The following C12orf42 variants were observed in gnomAD, a reference collection of about 807,000 sequenced individuals.
The protein encoded by C12orf42 is uncharacterized protein C12orf42.
C12orf42 carries 25 observed loss-of-function variants against 21.6 expected under a neutral mutation model. The ratio of observed to expected loss-of-function variants is 1.16; its 90% CI spans 0.84 to 1.62. C12orf42 has a LOEUF of 1.62. Ranked by LOEUF, C12orf42 falls within the 40% of genes most tolerant of loss-of-function variation. The pLI, the probability that C12orf42 is intolerant of heterozygous loss-of-function variation, is 0.00. For missense variants in C12orf42, 483 were observed against 459.3 expected (o/e 1.05, Z -0.47); for synonymous variants, 174 against 175.0 (o/e 0.99, Z 0.05).
chr12:103,067,385 C>T, the C12orf42 span, among the ~76,000 whole-genome samples: 1 of 152,142 alleles, frequency 6.6e-6, no homozygotes, highest in African/African-American at 2.4e-5. Flanking sequence ...TCTTGCCATG[C>T]TCCCCATCAT....
chr12:103,373,148 C>T (rs946702988), intron 3 of C12orf42, among the ~76,000 whole-genome samples: 4 of 152,096 alleles, frequency 2.6e-5, no homozygotes, highest in African/African-American at 7.2e-5. Context: ...ACAACCCCCA[C>T]CTTTTTTCTT....
chr12:103,311,766 C>A (rs2038992893), intron 4 of C12orf42, among the ~76,000 whole-genome samples: 1 of 152,094 alleles, frequency 6.6e-6, no homozygotes, highest in Non-Finnish European at 1.5e-5. Context: ...TCAGACAATA[C>A]CTGACATGCT....
At chr12:103,382,826 CTA>C (rs1207211737) in intron 3 of C12orf42, among the ~76,000 whole-genome samples, 1 of 152,084 alleles carries the variant, frequency 6.6e-6, no homozygotes, top group Non-Finnish European at 1.5e-5. Context: ...CCTACCTTTC[CTA>C]TATGTTTATC....
chr12:103,432,407 T>C (rs565675328), intron 2 of C12orf42, among the ~76,000 whole-genome samples: 1 of 152,312 alleles, frequency 6.6e-6, no homozygotes, highest in South Asian at 2.1e-4. Context: ...CCCTCCTGGT[T>C]GGCAGTGGGA....
At chr12:103,398,678 G>C (rs2047731894) in intron 3 of C12orf42, among the ~76,000 whole-genome samples, 1 of 151,986 alleles carries the variant, frequency 6.6e-6, no homozygotes, top group African/African-American at 2.4e-5. Flanking sequence ...AGTGTGAATA[G>C]ATATATAATA....
intron 3 of C12orf42, among the ~76,000 whole-genome samples, chr12:103,398,484 T>A (rs2888730): frequency 0.87 from 131,673 of 152,122 alleles, 57,162 homozygotes; most frequent in African/African-American, 0.94. Context: ...TATTTTTGTT[T>A]TAAAGCTTGG....
intron 4 of C12orf42, 69 bp from the exon 5 acceptor site, chr12:103,306,414 A>G: frequency 1.4e-6 from 2 of 1,478,888 alleles, no homozygotes; most frequent in Non-Finnish European, 1.8e-6. Flanking sequence ...GGCAGGAAGG[A>G]TGGAGTCAGG....
chr12:103,155,377 A>G, the C12orf42 span: 1 of 152,194 alleles, frequency 6.6e-6, no homozygotes, highest in African/African-American at 2.4e-5. Flanking sequence ...AATATTTACA[A>G]ATTTGTCAAT....
At chr12:103,063,641 G>A in the C12orf42 span, among the ~76,000 whole-genome samples, 1 of 152,138 alleles carries the variant, frequency 6.6e-6, no homozygotes, top group Non-Finnish European at 1.5e-5. Flanking sequence ...GCAGTTGCCA[G>A]GCAAGATAAT....
chr12:103,511,435 C>T, the C12orf42 span, among the ~76,000 whole-genome samples: 1 of 151,450 alleles, frequency 6.6e-6, no homozygotes, highest in Admixed American at 6.6e-5. Context: ...ATAATGCATG[C>T]ATATGTATAC....
chr12:103,190,990 G>A, the C12orf42 span, among the ~76,000 whole-genome samples: 3 of 152,086 alleles, frequency 2.0e-5, no homozygotes, highest in Admixed American at 6.5e-5. Context: ...AAAGACAAAG[G>A]TAATTTTAAA....
the C12orf42 span, among the ~76,000 whole-genome samples, chr12:103,093,395 G>C: frequency 6.6e-6 from 1 of 152,184 alleles, no homozygotes; most frequent in African/African-American, 2.4e-5. Context: ...CCAGATGGCA[G>C]TAAAGAAATT....
At chr12:103,060,607 G>T in the C12orf42 span, among the ~76,000 whole-genome samples, 6 of 152,098 alleles carry the variant, frequency 3.9e-5, no homozygotes, top group African/African-American at 1.2e-4. Context: ...AAAACAGCAT[G>T]GTGCTGTTAC....
At chr12:103,246,001 A>C (rs1024116436) in intron 10 of C12orf42, among the ~76,000 whole-genome samples, 1 of 152,088 alleles carries the variant, frequency 6.6e-6, no homozygotes, top group Non-Finnish European at 1.5e-5. Context: ...GACAGATGTG[A>C]ATTAGTCAAC....
the C12orf42 span, among the ~76,000 whole-genome samples, chr12:103,048,395 G>T: frequency 4.1e-4 from 62 of 152,190 alleles, no homozygotes; most frequent in Non-Finnish European, 8.1e-4. Flanking sequence ...ATGCATAAAA[G>T]ATTTAGCCTA....
At chr12:103,317,869 A>C (rs1046424454) in intron 4 of C12orf42, among the ~76,000 whole-genome samples, 1 of 152,232 alleles carries the variant, frequency 6.6e-6, no homozygotes, top group African/African-American at 2.4e-5. Flanking sequence ...ATATATATAC[A>C]CATGTTAACA....
chr12:103,302,607 C>A (rs757314065), intron 5 of C12orf42, 48 bp from the exon 6 acceptor site: 5 of 1,491,202 alleles, frequency 3.4e-6, no homozygotes, highest in Admixed American at 4.1e-5. Flanking sequence ...CTCAAGCGTG[C>A]GGGACCACAC....
At chr12:103,116,370 GAA>G in the C12orf42 span, among the ~76,000 whole-genome samples, 15 of 128,652 alleles carry the variant, frequency 1.2e-4, no homozygotes, top group South Asian at 2.5e-4. Context: ...ATCTCACCAA[GAA>G]AAAAAAAAAA....
intron 4 of C12orf42, among the ~76,000 whole-genome samples, chr12:103,352,306 G>C (rs1297898165): frequency 6.6e-6 from 1 of 152,162 alleles, no homozygotes; most frequent in Non-Finnish European, 1.5e-5. Context: ...GGGAAGGAAA[G>C]AGGGATGGTG....
Sources: allele counts gnomAD v4.1 joint callset (sites outside exome capture counted in the v4.1 genomes callset), GRCh38; gene constraint gnomAD v4.1.1; transcripts MANE v1.5; gene names NCBI Gene and HGNC (gene_info 2026-07-23, HGNC 2026-07-21).